The following GAS2 variants were observed in gnomAD, a reference collection of about 807,000 sequenced individuals.
GAS2 encodes the protein growth arrest-specific protein 2.
GAS2 carries 20 observed loss-of-function variants against 37.5 expected under a neutral mutation model. The observed-to-expected ratio is 0.53, with a 90% confidence interval of 0.37 to 0.77. GAS2 has a LOEUF of 0.77. Ranked by LOEUF, GAS2 falls within the 30% of genes least tolerant of loss-of-function variation. The pLI is 0.00. For synonymous variants in GAS2, 144 were observed against 132.2 expected (o/e 1.09, Z -0.61); for missense variants, 336 against 373.4 (o/e 0.90, Z 0.82).
intron 1 of GAS2, among the ~76,000 whole-genome samples, chr11:22,644,062 G>A (rs1848660670): frequency 6.6e-6 from 1 of 152,088 alleles, no homozygotes; most frequent in South Asian, 2.1e-4. Context: ...AGAAAAATAT[G>A]CATGTACATT....
intron 2 of GAS2, among the ~76,000 whole-genome samples, chr11:22,683,728 A>G (rs1419180905): frequency 6.6e-6 from 1 of 152,026 alleles, no homozygotes. Context: ...GTTTTCTCAA[A>G]GTTTTCTAGC....
rs899354705 is a variant in GAS2 at position 22,658,996 on chromosome 11, T to C, written c.-20-15854T>C. 1.1e-4 allele frequency among the ~76,000 whole-genome samples: 17 copies of C among 152,332 alleles called. No homozygotes were observed. In the East Asian group the frequency reaches 2.5e-3, roughly 22 times the overall value. On this transcript the variant is annotated intron_variant, in intron 1 of 5. Transcript: ENST00000528582. ...GTTAGGCATAAGTATGATTTTGTTA[T>C]TGCCTCTTTTTGGAAATTAAGTATA...
At chr11:22,799,981 G>C (rs975766328) in intron 7 of GAS2, among the ~76,000 whole-genome samples, 1 of 152,060 alleles carries the variant, frequency 6.6e-6, no homozygotes, top group African/African-American at 2.4e-5. Flanking sequence ...TTCTCTGCAT[G>C]TATAAAGGCA....
chr11:22,785,047 C>A (rs547085444), intron 7 of GAS2, among the ~76,000 whole-genome samples: 52 of 152,222 alleles, frequency 3.4e-4, no homozygotes, highest in African/African-American at 1.2e-3. Flanking sequence ...CAGTGTTCCT[C>A]CATCACACTA....
chr11:22,657,763 CA>C (rs1009123747), intron 1 of GAS2, among the ~76,000 whole-genome samples: 1 of 152,126 alleles, frequency 6.6e-6, no homozygotes, highest in African/African-American at 2.4e-5. Context: ...CTTTTGTTGT[CA>C]AAAGGGGCAG....
chr11:22,734,353 A>C (rs1269360504), intron 4 of GAS2, among the ~76,000 whole-genome samples: 1 of 151,674 alleles, frequency 6.6e-6, no homozygotes, highest in Non-Finnish European at 1.5e-5. Context: ...GGCCAAATTG[A>C]CTCATTTAAC....
intron 7 of GAS2, among the ~76,000 whole-genome samples, chr11:22,793,231 G>A (rs955790705): frequency 1.3e-5 from 2 of 152,042 alleles, no homozygotes; most frequent in African/African-American, 4.8e-5. Context: ...CTGAGATCGT[G>A]CCACTGCACT....
chr11:22,675,410 A>C (rs977282147), intron 2 of GAS2, among the ~76,000 whole-genome samples: 1 of 152,230 alleles, frequency 6.6e-6, no homozygotes, highest in Non-Finnish European at 1.5e-5. Flanking sequence ...CTACTTTTAC[A>C]GCACACCTTC....
rs1018698884 is a variant in GAS2 at position 22,740,821 on chromosome 11, A to G, written c.473+3053A>G. Among the ~76,000 whole-genome samples the G allele has an allele frequency of 2.0e-4, 31 of 152,358 alleles. 1 individual carries two copies. Among genetic ancestry groups the G allele is most frequent in the African/African-American group, 7.2e-4 (30 of 41,592 alleles). On this transcript the variant is annotated intron_variant, in intron 5 of 7. Coordinates refer to ENST00000454584, the MANE Select transcript of GAS2 (RefSeq NM_001143830.3). ...GCTTCTCACAGACCCATAGAGGATT[A>G]TACAAATTAATGACTTAAAACAGTT... is the stretch of plus-strand genomic sequence containing the variant.
chr11:22,702,311 C>G (rs1850881605), intron 3 of GAS2: 1 of 152,094 alleles, frequency 6.6e-6, no homozygotes, highest in South Asian at 2.1e-4. Flanking sequence ...GCAGAAGAAG[C>G]CAGTGTCTAA....
chr11:22,672,618 T>G (rs1750585213), intron 1 of GAS2: 3 of 152,144 alleles, frequency 2.0e-5, no homozygotes, highest in Admixed American at 6.5e-5. Context: ...CACATCTCAC[T>G]TTCAGGAAAG....
chr11:22,753,898 C>T (rs980579332), intron 6 of GAS2, among the ~76,000 whole-genome samples: 18 of 152,082 alleles, frequency 1.2e-4, no homozygotes, highest in African/African-American at 4.1e-4. Context: ...TGACCCTACC[C>T]TCAGTCCTAG....
At chr11:22,738,933 TGGA>T (rs538543060) in intron 5 of GAS2, among the ~76,000 whole-genome samples, 64 of 152,324 alleles carry the variant, frequency 4.2e-4, no homozygotes, top group African/African-American at 9.9e-4. Context: ...TACCTCAACA[TGGA>T]GTAAAAAAAC....
intron 1 of GAS2, among the ~76,000 whole-genome samples, chr11:22,632,955 A>G (rs1858764516): frequency 6.6e-6 from 1 of 151,668 alleles, no homozygotes; most frequent in African/African-American, 2.4e-5. Flanking sequence ...TCTTTCATTC[A>G]TAACCTGATT....
intron 7 of GAS2, among the ~76,000 whole-genome samples, chr11:22,768,998 T>C (rs1397043536): frequency 6.6e-6 from 1 of 152,228 alleles, no homozygotes; most frequent in Non-Finnish European, 1.5e-5. Context: ...TCCTGGACTC[T>C]ATTTTGATAA....
At chr11:22,735,266 G>T (rs1590070084) in intron 4 of GAS2, among the ~76,000 whole-genome samples, 2 of 123,434 alleles carry the variant, frequency 1.6e-5, no homozygotes, top group Non-Finnish European at 1.7e-5. Context: ...GGCCAGGCTT[G>T]GTATATTCGT....
chr11:22,790,582 TC>T (rs1378130638), intron 7 of GAS2, among the ~76,000 whole-genome samples: 1 of 140,172 alleles, frequency 7.1e-6, no homozygotes, highest in African/African-American at 2.6e-5. Flanking sequence ...AATGTTTTCT[TC>T]TTCTCTATTT....
intron 7 of GAS2, among the ~76,000 whole-genome samples, chr11:22,765,868 C>T (rs1426622872): frequency 6.6e-6 from 1 of 152,090 alleles, no homozygotes; most frequent in Non-Finnish European, 1.5e-5. Flanking sequence ...GTACAGAAAG[C>T]AGCATCTGCT....
At chr11:22,689,679 T>C (rs1188151793) in intron 3 of GAS2, among the ~76,000 whole-genome samples, 1 of 152,214 alleles carries the variant, frequency 6.6e-6, no homozygotes, top group Non-Finnish European at 1.5e-5. Context: ...TTGTTAAATC[T>C]AAATACAAAT....
Sources: gnomAD v4.1 joint callset for allele counts (sites outside exome capture counted in the v4.1 genomes callset) on GRCh38, gnomAD v4.1.1 for gene constraint, MANE v1.5 for transcripts, NCBI Gene and HGNC (gene_info 2026-07-23, HGNC 2026-07-21) for gene names.